The following SHPRH variants were observed in gnomAD, a reference collection of about 807,000 sequenced individuals.
SHPRH encodes E3 ubiquitin-protein ligase SHPRH.
SHPRH carries 106 observed loss-of-function variants against 202.5 expected under a neutral mutation model. The observed-to-expected ratio is 0.52, with a 90% confidence interval of 0.45 to 0.62. The LOEUF is 0.62. SHPRH is among the 20% of genes least tolerant of loss of function. The pLI, the probability that SHPRH is intolerant of heterozygous loss-of-function variation, is 0.00. For synonymous variants in SHPRH, 729 were observed against 686.0 expected (o/e 1.06, Z -0.98); for missense variants, 1,710 against 2,020.0 (o/e 0.85, Z 2.94).
chr6:145,879,804 C>A (rs181650627), intron 2 of SHPRH, among the ~76,000 whole-genome samples: 1 of 147,368 alleles, frequency 6.8e-6, no homozygotes, highest in Non-Finnish European at 1.5e-5. Flanking sequence ...GCCAGCTACT[C>A]GGGAGGCTGA....
At chr6:145,933,287 G>A (rs1031958657) in intron 13 of SHPRH, 109 bp from the exon 14 acceptor site, 4 of 1,480,786 alleles carry the variant, frequency 2.7e-6, no homozygotes, top group African/African-American at 1.4e-5. Context: ...CGCAGTTTTT[G>A]TGGTATCTCT....
intron 25 of SHPRH, among the ~76,000 whole-genome samples, chr6:145,900,509 G>T (rs978093047): frequency 6.6e-6 from 1 of 152,082 alleles, no homozygotes; most frequent in Non-Finnish European, 1.5e-5. Context: ...GTTTGTGGGG[G>T]AAGGGAGTGG....
chr6:145,929,870 G>C (rs1401581568), intron 14 of SHPRH, among the ~76,000 whole-genome samples: 1 of 151,966 alleles, frequency 6.6e-6, no homozygotes, highest in East Asian at 1.9e-4. Context: ...AAGAATCTGA[G>C]GTAACCTTCA....
intron 2 of SHPRH, 125 bp downstream of exon 2, chr6:145,954,565 T>G: frequency 1.0e-6 from 1 of 979,984 alleles, no homozygotes; most frequent in South Asian, 1.8e-5. Flanking sequence ...AAGCTTAAAG[T>G]GTACTTTGAA....
intron 28 of SHPRH, 99 bp downstream of exon 28, chr6:145,893,116 A>G (rs1781710106): frequency 9.9e-7 from 1 of 1,014,036 alleles, no homozygotes; most frequent in South Asian, 4.6e-5. Context: ...GTAATTAAAA[A>G]CAAGTACGCT....
Position 145,886,665 on chromosome 6 carries a change from A to G in SHPRH, c.*26T>C, listed in dbSNP as rs1336217678. 1 of 1,606,692 alleles carries G rather than the reference A, an allele frequency of 6.2e-7. No homozygotes were observed. The highest frequency in any genetic ancestry group is 1.1e-5 in the South Asian group (1 of 89,336). The stretch of plus-strand genomic sequence containing the variant: ...CTATGAAAGTTTATTAATACACTAA[A>G]GTCCATGGAATGAATCAAGTGTAGT... On this transcript the variant is annotated 3_prime_UTR_variant, in exon 30 of 30. Coordinates refer to ENST00000275233, the MANE Select transcript of SHPRH (RefSeq NM_001042683.3).
chr6:145,865,220 A>C (rs970265570), intron 2 of SHPRH, among the ~76,000 whole-genome samples: 1 of 152,140 alleles, frequency 6.6e-6, no homozygotes, highest in African/African-American at 2.4e-5. Flanking sequence ...TAATGTTATG[A>C]CGTTTAGAGA....
At chr6:145,963,404 C>G (rs900117964) in intron 1 of SHPRH, among the ~76,000 whole-genome samples, 2 of 152,190 alleles carry the variant, frequency 1.3e-5, no homozygotes, top group South Asian at 4.1e-4. Context: ...TCTCGGATTT[C>G]TACCTCGTGC....
At chr6:145,927,489 G>T (rs1220884596) in intron 14 of SHPRH, among the ~76,000 whole-genome samples, 2 of 151,390 alleles carry the variant, frequency 1.3e-5, no homozygotes, top group Non-Finnish European at 1.5e-5. Context: ...GGAATATAAT[G>T]TTCTTATATT....
intron 23 of SHPRH, among the ~76,000 whole-genome samples, chr6:145,914,339 G>A (rs536842554): frequency 6.0e-4 from 92 of 152,262 alleles, no homozygotes; most frequent in African/African-American, 2.1e-3. Context: ...GAGGGTCATT[G>A]CTGTAGCACT....
intron 23 of SHPRH, among the ~76,000 whole-genome samples, chr6:145,914,094 C>A (rs1339739464): frequency 6.6e-6 from 1 of 152,092 alleles, no homozygotes; most frequent in African/African-American, 2.4e-5. Context: ...AAATCACCTA[C>A]AAATTTAGTG....
downstream of SHPRH, among the ~76,000 whole-genome samples, chr6:145,860,746 C>T (rs574099199): frequency 2.0e-5 from 3 of 152,040 alleles, no homozygotes; most frequent in South Asian, 6.2e-4. Flanking sequence ...TACATCAAAA[C>T]ATATTATAAA....
chr6:145,942,909 A>C (rs1786946424), intron 9 of SHPRH, among the ~76,000 whole-genome samples: 1 of 152,188 alleles, frequency 6.6e-6, no homozygotes, highest in South Asian at 2.1e-4. Context: ...AAAAGCTTCC[A>C]CATCTTTATA....
intron 14 of SHPRH, 56 bp from the exon 15 acceptor site, chr6:145,927,333 G>T: frequency 7.1e-7 from 1 of 1,418,206 alleles, no homozygotes; most frequent in Non-Finnish European, 9.8e-7. Context: ...AGTTCCCAAT[G>T]TCATCTAGTT....
downstream of SHPRH, among the ~76,000 whole-genome samples, chr6:145,860,517 G>C (rs1779545634): frequency 6.6e-6 from 1 of 151,740 alleles, no homozygotes; most frequent in African/African-American, 2.4e-5. Flanking sequence ...ATAAATAGAA[G>C]GACATTCTGT....
At chr6:145,928,893 G>A (rs1305369272) in intron 14 of SHPRH, among the ~76,000 whole-genome samples, 1 of 151,832 alleles carries the variant, frequency 6.6e-6, no homozygotes, top group Non-Finnish European at 1.5e-5. Context: ...TTATAACGTA[G>A]GCATTAACAT....
chr6:145,961,112 C>A (rs1789047579), intron 1 of SHPRH, among the ~76,000 whole-genome samples: 1 of 152,186 alleles, frequency 6.6e-6, no homozygotes, highest in South Asian at 2.1e-4. Flanking sequence ...AGGCCACGGA[C>A]TGGCACCGGT....
At chr6:145,876,072 T>G (rs1348908853) in intron 2 of SHPRH, among the ~76,000 whole-genome samples, 1 of 152,238 alleles carries the variant, frequency 6.6e-6, no homozygotes, top group East Asian at 1.9e-4. Context: ...TTTAGTAGAT[T>G]CACAAAGTTG....
downstream of SHPRH, among the ~76,000 whole-genome samples, chr6:145,861,578 G>A (rs1218396890): frequency 1.3e-5 from 2 of 152,164 alleles, no homozygotes; most frequent in African/African-American, 2.4e-5. Flanking sequence ...ATTTGATCCA[G>A]CAATCCCACT....
Sources: allele counts gnomAD v4.1 joint callset (sites outside exome capture counted in the v4.1 genomes callset), GRCh38; gene constraint gnomAD v4.1.1; transcripts MANE v1.5; gene names NCBI Gene and HGNC (gene_info 2026-07-23, HGNC 2026-07-21).